PRMT3: variants seen among roughly 807,000 people sequenced by gnomAD.
PRMT3 encodes protein arginine N-methyltransferase 3.
PRMT3 carries 62 observed loss-of-function variants against 71.9 expected under a neutral mutation model. The ratio of observed to expected loss-of-function variants is 0.86; its 90% CI spans 0.70 to 1.07. The LOEUF is 1.07. Ranked by LOEUF, PRMT3 falls within the 50% of genes least tolerant of loss-of-function variation. The pLI, the probability that PRMT3 is intolerant of heterozygous loss-of-function variation, is 0.00. For missense variants in PRMT3, 663 were observed against 643.0 expected (o/e 1.03, Z -0.34); for synonymous variants, 213 against 220.4 (o/e 0.97, Z 0.30).
chr11:20,404,984 G>T (rs990977472), intron 8 of PRMT3, among the ~76,000 whole-genome samples: 1 of 152,074 alleles, frequency 6.6e-6, no homozygotes, highest in Non-Finnish European at 1.5e-5. Flanking sequence ...CTTATAATAG[G>T]TAAGTAAATA....
chr11:20,396,305 G>T (rs925224140), intron 6 of PRMT3, among the ~76,000 whole-genome samples: 1 of 151,962 alleles, frequency 6.6e-6, no homozygotes, highest in Non-Finnish European at 1.5e-5. Context: ...TCTTTTTGAG[G>T]TTTGGGGAAA....
chr11:20,501,624 C>G (rs1044561844), intron 15 of PRMT3, among the ~76,000 whole-genome samples: 6 of 152,052 alleles, frequency 3.9e-5, no homozygotes, highest in Admixed American at 1.3e-4. Context: ...GGAAAAATTA[C>G]TGTATGTAAA....
intron 8 of PRMT3, chr11:20,405,727 A>G (rs999608611): frequency 1.3e-5 from 2 of 152,224 alleles, no homozygotes; most frequent in Non-Finnish European, 2.9e-5. Context: ...ATCTTTCTAT[A>G]CTTAACTTTC....
chr11:20,456,565 C>CA (rs1474220538), intron 11 of PRMT3, among the ~76,000 whole-genome samples: 1 of 152,110 alleles, frequency 6.6e-6, no homozygotes, highest in East Asian at 1.9e-4. Flanking sequence ...GCTGTCCTTT[C>CA]ACCAGTAACA....
chr11:20,424,838 G>A (rs992852153), intron 9 of PRMT3, among the ~76,000 whole-genome samples: 1 of 152,132 alleles, frequency 6.6e-6, no homozygotes, highest in African/African-American at 2.4e-5. Context: ...GAATACAACT[G>A]GGCTAAGTGT....
At chr11:20,403,110 T>C (rs1848985887) in intron 8 of PRMT3, 126 bp downstream of exon 8, 1 of 707,196 alleles carries the variant, frequency 1.4e-6, no homozygotes, top group Non-Finnish European at 2.4e-6. Flanking sequence ...TGGAAGACAT[T>C]TATGATGCTG....
At chr11:20,470,931 G>C (rs1850629138) in intron 13 of PRMT3, among the ~76,000 whole-genome samples, 1 of 152,082 alleles carries the variant, frequency 6.6e-6, no homozygotes, top group Admixed American at 6.6e-5. Context: ...TCACCATTTT[G>C]ACTGGTATAA....
At chr11:20,461,014 A>G (rs140934632) in intron 11 of PRMT3, among the ~76,000 whole-genome samples, 15 of 152,294 alleles carry the variant, frequency 9.8e-5, no homozygotes, top group African/African-American at 3.6e-4. Context: ...ATCAAAATCT[A>G]GTCATGTTGC....
chr11:20,426,280 A>T (rs570004661), intron 9 of PRMT3, among the ~76,000 whole-genome samples: 1 of 152,208 alleles, frequency 6.6e-6, no homozygotes, highest in Non-Finnish European at 1.5e-5. Context: ...TCTCTTTTAC[A>T]CAGGAGTAGC....
chr11:20,456,111 GA>G (rs1306848797), intron 11 of PRMT3, among the ~76,000 whole-genome samples: 2 of 152,126 alleles, frequency 1.3e-5, no homozygotes, highest in East Asian at 3.8e-4. Flanking sequence ...ACTACATACT[GA>G]AAATAATTTT....
At chr11:20,403,372 A>G (rs962605637) in intron 8 of PRMT3, among the ~76,000 whole-genome samples, 1 of 152,188 alleles carries the variant, frequency 6.6e-6, no homozygotes, top group Non-Finnish European at 1.5e-5. Context: ...GTGTTAAGTA[A>G]TTGAGAATTA....
intron 11 of PRMT3, among the ~76,000 whole-genome samples, chr11:20,456,163 T>C (rs933446155): frequency 2.0e-5 from 3 of 152,136 alleles, no homozygotes; most frequent in African/African-American, 4.8e-5. Flanking sequence ...CTCCCACATA[T>C]AGGTAGATTA....
chr11:20,388,120 G>T lies in PRMT3; in HGVS notation c.130G>T (p.Gly44Cys), dbSNP rs373225803. The part of the protein sequence containing the change: ...EDEDDADLPH[G>C]KQQTPCLFCN... ...TGAGGACGATGCAGATCTCCCCCAC[G>T]GCAAGCAGCAGACCCCCTGCCTGTT... The change falls in exon 2 of 16, where the codon GGC becomes TGC. Residue 44 changes from glycine (G) to cysteine (C), a missense_variant. Transcript: ENST00000331079. 2.5e-6 allele frequency: 4 copies of T among 1,614,016 alleles called. No homozygotes were observed. Among genetic ancestry groups the T allele is most frequent in the Admixed American group, 1.7e-5 (1 of 60,028 alleles).
intron 13 of PRMT3, among the ~76,000 whole-genome samples, chr11:20,471,738 A>C (rs568121664): frequency 6.6e-6 from 1 of 152,260 alleles, no homozygotes; most frequent in Non-Finnish European, 1.5e-5. Context: ...TCTGTGAAGG[A>C]TGTCCAATGG....
chr11:20,507,793 GA>G (rs11324199), intron 15 of PRMT3, among the ~76,000 whole-genome samples: 127,129 of 151,330 alleles, frequency 0.84, 54,538 homozygotes, highest in Non-Finnish European at 0.94. Context: ...AAAAATTAAT[GA>G]AACATAATGC....
intron 8 of PRMT3, among the ~76,000 whole-genome samples, chr11:20,403,590 T>A (rs570325812): frequency 1.3e-5 from 2 of 152,160 alleles, no homozygotes; most frequent in Non-Finnish European, 2.9e-5. Context: ...CTTTTCTTCC[T>A]TACACTTTTT....
At chr11:20,449,797 CTTTT>C (rs1455222870) in intron 10 of PRMT3, among the ~76,000 whole-genome samples, 3 of 151,980 alleles carry the variant, frequency 2.0e-5, no homozygotes, top group Non-Finnish European at 4.4e-5. Flanking sequence ...GTATTAATAA[CTTTT>C]ATTTATTCAT....
At chr11:20,496,043 G>A (rs1267975374) in intron 15 of PRMT3, among the ~76,000 whole-genome samples, 2 of 152,174 alleles carry the variant, frequency 1.3e-5, no homozygotes, top group East Asian at 1.9e-4. Flanking sequence ...AAGTATAGAT[G>A]TACCATCCCT....
chr11:20,432,593 G>A (rs539685086), intron 10 of PRMT3, among the ~76,000 whole-genome samples: 11 of 152,090 alleles, frequency 7.2e-5, no homozygotes, highest in African/African-American at 2.7e-4. Context: ...TGTGATTGTT[G>A]GATCATATAA....
Sources: allele counts gnomAD v4.1 joint callset (sites outside exome capture counted in the v4.1 genomes callset), GRCh38; gene constraint gnomAD v4.1.1; transcripts MANE v1.5; gene names NCBI Gene and HGNC (gene_info 2026-07-23, HGNC 2026-07-21).